The following SNX18 variants were observed in gnomAD, a reference collection of about 807,000 sequenced individuals.
SNX18 encodes the protein sorting nexin-18.
A neutral mutation model predicts 48.7 loss-of-function variants in SNX18; 35 were observed. The observed-to-expected ratio is 0.72, with a 90% CI of 0.55 to 0.95. SNX18 has a LOEUF of 0.95. Among genes scored for constraint, SNX18 ranks in the 40% least tolerant of loss-of-function variants. SNX18 has a pLI of 0.00. For synonymous variants in SNX18, 492 were observed against 384.7 expected (o/e 1.28, Z -3.26); for missense variants, 824 against 871.0 (o/e 0.95, Z 0.68).
At position 54,544,114 on chromosome 5, in the gene SNX18, T is replaced by C. The variant is rs1580111251; in HGVS notation, c.*682T>C. ...TATCTCCTGATAAGATGCTGGTGAA[T>C]GCAGGGGAGTGAGATTCATTGCTCA... On this transcript the variant is annotated 3_prime_UTR_variant, in exon 2 of 2. Coordinates refer to ENST00000381410, the MANE Select transcript of SNX18 (RefSeq NM_001102575.2). 1.3e-5 allele frequency: 2 copies of C among 152,316 alleles called. No individual in the cohort carries two copies. Among genetic ancestry groups the C allele is most frequent in the South Asian group, 2.1e-4 (1 of 4,826 alleles). 9.4% of individuals were successfully genotyped at this position (152,316 alleles called of 1,614,324 possible). A position where few individuals can be genotyped will look rare whatever the true frequency, so the allele number is the denominator to read the frequency against.
downstream of SNX18, among the ~76,000 whole-genome samples, chr5:54,550,104 A>G (rs1013271628): frequency 2.0e-5 from 3 of 152,182 alleles, no homozygotes; most frequent in Non-Finnish European, 4.4e-5. Flanking sequence ...ATTTTTAGTC[A>G]CTTTTTAAAA....
At chr5:54,621,513 T>C in the SNX18 span, among the ~76,000 whole-genome samples, 2 of 152,166 alleles carry the variant, frequency 1.3e-5, no homozygotes, top group African/African-American at 2.4e-5. Flanking sequence ...CCCTAGCAGA[T>C]AGGTCTACCC....
At chr5:54,625,109 T>C in the SNX18 span, among the ~76,000 whole-genome samples, 2 of 152,194 alleles carry the variant, frequency 1.3e-5, no homozygotes, top group Admixed American at 1.3e-4. Context: ...AGTACCAGAA[T>C]TCCCTTGGGG....
the SNX18 span, among the ~76,000 whole-genome samples, chr5:54,626,022 C>T: frequency 6.6e-6 from 1 of 152,194 alleles, no homozygotes; most frequent in Non-Finnish European, 1.5e-5. Flanking sequence ...CCAGATATAT[C>T]TAGAGCCAGG....
chr5:54,590,868 A>T, the SNX18 span, among the ~76,000 whole-genome samples: 1 of 152,050 alleles, frequency 6.6e-6, no homozygotes, highest in East Asian at 1.9e-4. Context: ...TGGCATGGTT[A>T]TCTCCTGCCT....
chr5:54,621,605 C>T, the SNX18 span, among the ~76,000 whole-genome samples: 3 of 152,148 alleles, frequency 2.0e-5, no homozygotes, highest in Admixed American at 2.0e-4. Flanking sequence ...TGTTTCTCAA[C>T]AGGGACCTTT....
At chr5:54,591,060 G>A in the SNX18 span, among the ~76,000 whole-genome samples, 49 of 151,934 alleles carry the variant, frequency 3.2e-4, no homozygotes, top group African/African-American at 1.2e-3. Flanking sequence ...CTCTCTCCCT[G>A]TCTCAGAAGC....
the SNX18 span, among the ~76,000 whole-genome samples, chr5:54,552,225 C>G: frequency 1.1e-4 from 16 of 152,222 alleles, no homozygotes; most frequent in Non-Finnish European, 1.9e-4. Context: ...ACTGTCACAT[C>G]TGCGTCTGCC....
At position 54,518,510 on chromosome 5, in the gene SNX18, T is replaced by C; in HGVS notation, c.558T>C (p.Gly186=). 6.5e-7 allele frequency: 1 copy of C among 1,546,710 alleles called. No individual in the cohort carries two copies. The highest frequency in any genetic ancestry group is 1.2e-5 in the South Asian group (1 of 84,786). ...ACCTCGACGGCTCGTCTTCGGCGGG[T>C]GTGGGCGCAGCCGGCCGCTACCGCC... is the stretch of plus-strand genomic sequence containing the variant. The part of the protein sequence containing the change: ...YPDLDGSSSA[G]VGAAGRYRLS... The change falls in exon 1 of 2, where the codon GGT becomes GGC. Residue 186 remains glycine, a synonymous_variant. Coordinates refer to ENST00000381410, the MANE Select transcript of SNX18 (RefSeq NM_001102575.2).
the SNX18 span, among the ~76,000 whole-genome samples, chr5:54,639,185 G>A: frequency 6.9e-6 from 1 of 145,894 alleles, no homozygotes; most frequent in Non-Finnish European, 1.5e-5. Context: ...CAGTGGGTAG[G>A]CCACCGAATG....
chr5:54,548,095 G>A (rs1166010751), downstream of SNX18, among the ~76,000 whole-genome samples: 4 of 152,114 alleles, frequency 2.6e-5, no homozygotes. Flanking sequence ...GCCTTTCCAG[G>A]GATCACAAGT....
At chr5:54,538,085 A>T (rs531190562) in intron 1 of SNX18, among the ~76,000 whole-genome samples, 1 of 152,318 alleles carries the variant, frequency 6.6e-6, no homozygotes, top group Admixed American at 6.5e-5. Flanking sequence ...GATATTTAAA[A>T]TTTTGAATAT....
chr5:54,555,378 C>CTTT, the SNX18 span, among the ~76,000 whole-genome samples: 2 of 144,552 alleles, frequency 1.4e-5, no homozygotes, highest in African/African-American at 5.0e-5. Flanking sequence ...GCATACCTTT[C>CTTT]TTTTTTTTTT....
At chr5:54,585,526 G>A in the SNX18 span, among the ~76,000 whole-genome samples, 1 of 152,118 alleles carries the variant, frequency 6.6e-6, no homozygotes, top group Non-Finnish European at 1.5e-5. Flanking sequence ...GATCTTGAAT[G>A]AAGGGACATG....
At chr5:54,551,999 G>T in the SNX18 span, among the ~76,000 whole-genome samples, 1 of 152,182 alleles carries the variant, frequency 6.6e-6, no homozygotes, top group Non-Finnish European at 1.5e-5. Flanking sequence ...GCCTTCTTAG[G>T]AAGGCAGCTT....
At chr5:54,630,582 C>T in the SNX18 span, among the ~76,000 whole-genome samples, 1 of 151,968 alleles carries the variant, frequency 6.6e-6, no homozygotes, top group Non-Finnish European at 1.5e-5. Context: ...GCTTGTAATC[C>T]CAGCACTTTG....
the SNX18 span, among the ~76,000 whole-genome samples, chr5:54,607,877 T>C: frequency 6.6e-6 from 1 of 152,128 alleles, no homozygotes. Context: ...GAGTTTGCAG[T>C]GAGCCAAGAT....
At chr5:54,555,766 G>A in the SNX18 span, among the ~76,000 whole-genome samples, 4 of 151,324 alleles carry the variant, frequency 2.6e-5, no homozygotes, top group African/African-American at 4.9e-5. Context: ...GGCGGAGGTT[G>A]CAGTGAGCCA....
At chr5:54,527,084 T>C (rs1762145746) in intron 1 of SNX18, among the ~76,000 whole-genome samples, 1 of 151,680 alleles carries the variant, frequency 6.6e-6, no homozygotes, top group Admixed American at 6.6e-5. Context: ...GATGAGGTCA[T>C]GGAAAGTCAG....
Sources: allele counts gnomAD v4.1 joint callset (sites outside exome capture counted in the v4.1 genomes callset), GRCh38; gene constraint gnomAD v4.1.1; transcripts MANE v1.5; gene names NCBI Gene and HGNC (gene_info 2026-07-23, HGNC 2026-07-21).